IL1RAPL1: variants seen among roughly 807,000 people sequenced by gnomAD.
IL1RAPL1 encodes the protein interleukin-1 receptor accessory protein-like 1.
Under a neutral mutation model 48.4 loss-of-function variants are expected in IL1RAPL1, and 3 were observed. The ratio of observed to expected loss-of-function variants is 0.06; its 90% CI spans 0.03 to 0.16. The LOEUF is 0.16. Among genes scored for constraint, IL1RAPL1 ranks in the 10% least tolerant of loss-of-function variants. The pLI, the probability that IL1RAPL1 is intolerant of heterozygous loss-of-function variation, is 1.00. For missense variants in IL1RAPL1, 349 were observed against 530.6 expected (o/e 0.66, Z 3.36); for synonymous variants, 185 against 187.7 (o/e 0.99, Z 0.12).
At chrX:29,100,084 C>T (rs1006509350) in intron 2 of IL1RAPL1, among the ~76,000 whole-genome samples, 51 of 110,135 alleles carry the variant, frequency 4.6e-4, no homozygotes, top group Admixed American at 3.9e-3. Flanking sequence ...TGGTGGCATG[C>T]GCTTGTAATG....
At chrX:29,342,982 G>A (rs1156653030) in intron 3 of IL1RAPL1, among the ~76,000 whole-genome samples, 1 of 111,863 alleles carries the variant, frequency 8.9e-6, no homozygotes, top group Non-Finnish European at 1.9e-5. Context: ...GATGATGACT[G>A]AAAAGTCGTT....
At chrX:29,152,655 C>T (rs1929490197) in intron 2 of IL1RAPL1, among the ~76,000 whole-genome samples, 3 of 112,143 alleles carry the variant, frequency 2.7e-5, no homozygotes, top group Non-Finnish European at 5.6e-5. Flanking sequence ...AATGTAACAA[C>T]TTGTGATTGT....
In IL1RAPL1 at chrX:29,080,999, TCTCTC is replaced by T. The variant is rs1927812648; in HGVS notation, c.83-201938_83-201934del. ...TTCTTTCTTTCTTTCTTTCTTTCTC[TCTCTC>T]TCTCTCTCTCTCTCTCTTTCTTTTC... is the stretch of plus-strand genomic sequence containing the variant. On this transcript the variant is annotated intron_variant, in intron 2 of 10. Coordinates refer to ENST00000378993, the MANE Select transcript of IL1RAPL1 (RefSeq NM_014271.4). Among the ~76,000 whole-genome samples the T allele has an allele frequency of 8.1e-5, 5 of 61,642 alleles. 1 individual carries two copies. Among genetic ancestry groups the T allele is most frequent in the African/African-American group, 3.6e-4 (5 of 13,908 alleles). 53.5% of individuals were successfully genotyped at this position (61,642 alleles called of 115,157 possible). A position where few individuals can be genotyped will look rare whatever the true frequency, so the allele number is the denominator to read the frequency against.
At chrX:28,851,427 G>A (rs180903099) in intron 2 of IL1RAPL1, among the ~76,000 whole-genome samples, 2 of 111,099 alleles carry the variant, frequency 1.8e-5, no homozygotes, top group Non-Finnish European at 3.8e-5. Context: ...GAACTTTGGC[G>A]GTTAAGTATT....
At chrX:29,453,665 C>A (rs1181327776) in intron 5 of IL1RAPL1, among the ~76,000 whole-genome samples, 3 of 111,451 alleles carry the variant, frequency 2.7e-5, no homozygotes, top group African/African-American at 9.8e-5. Flanking sequence ...TTTATTAGAT[C>A]TAGGCCCTAC....
intron 3 of IL1RAPL1, among the ~76,000 whole-genome samples, chrX:29,296,931 G>A (rs1041296956): frequency 1.2e-4 from 13 of 111,761 alleles, no homozygotes; most frequent in Admixed American, 1.0e-3. Context: ...TGACATTTCT[G>A]ACTTTCAGGC....
intron 1 of IL1RAPL1, among the ~76,000 whole-genome samples, chrX:28,769,045 G>T (rs1377902112): frequency 9.3e-6 from 1 of 107,559 alleles, no homozygotes; most frequent in Non-Finnish European, 1.9e-5. Context: ...GTTCGAGTGT[G>T]AAGTGAAATA....
chrX:29,284,821 T>A (rs1569277125), intron 3 of IL1RAPL1, among the ~76,000 whole-genome samples: 1 of 112,309 alleles, frequency 8.9e-6, no homozygotes, highest in Non-Finnish European at 1.9e-5. Flanking sequence ...TTACTAATCC[T>A]TTTATGATTA....
At chrX:28,702,020 G>A (rs1268068423) in intron 1 of IL1RAPL1, among the ~76,000 whole-genome samples, 2 of 111,275 alleles carry the variant, frequency 1.8e-5, no homozygotes, top group African/African-American at 6.5e-5. Context: ...CCAGGCTCTC[G>A]TATCTGACAG....
chrX:29,556,433 G>A (rs897373103), intron 5 of IL1RAPL1, among the ~76,000 whole-genome samples: 38 of 111,023 alleles, frequency 3.4e-4, no homozygotes, highest in African/African-American at 1.2e-3. Context: ...TGGATTGCTC[G>A]AGGTCAGGAG....
At chrX:29,383,460 C>A (rs1273489502) in intron 3 of IL1RAPL1, among the ~76,000 whole-genome samples, 1 of 112,122 alleles carries the variant, frequency 8.9e-6, no homozygotes, top group Non-Finnish European at 1.9e-5. Context: ...TATGGTATTA[C>A]ATTCTGACAA....
chrX:29,113,330 G>A (rs892422705), intron 2 of IL1RAPL1, among the ~76,000 whole-genome samples: 4 of 111,441 alleles, frequency 3.6e-5, no homozygotes, highest in Non-Finnish European at 5.7e-5. Context: ...TCAAGTTTTC[G>A]TATATGCACT....
At chrX:29,310,135 G>GAAAAAAA (rs763228577) in intron 3 of IL1RAPL1, among the ~76,000 whole-genome samples, 6 of 41,123 alleles carry the variant, frequency 1.5e-4, no homozygotes, top group Middle Eastern at 0.018. Flanking sequence ...AAAAAGAAAG[G>GAAAAAAA]AAAAAAAAAA....
At chrX:29,246,927 A>G (rs760786381) in intron 2 of IL1RAPL1, among the ~76,000 whole-genome samples, 2 of 111,670 alleles carry the variant, frequency 1.8e-5, no homozygotes, top group African/African-American at 6.5e-5. Flanking sequence ...AGCAGTAGAC[A>G]TATACTTGAA....
At chrX:29,515,813 T>C (rs935945025) in intron 5 of IL1RAPL1, among the ~76,000 whole-genome samples, 5 of 111,011 alleles carry the variant, frequency 4.5e-5, no homozygotes, top group Admixed American at 1.9e-4. Flanking sequence ...CAGCCTCCCA[T>C]GAAGCTGGGA....
intron 2 of IL1RAPL1, among the ~76,000 whole-genome samples, chrX:28,959,343 A>G (rs1034678108): frequency 1.8e-5 from 2 of 111,431 alleles, no homozygotes; most frequent in Non-Finnish European, 3.8e-5. Context: ...CTAGTGCTGT[A>G]TTTTTAAAAT....
At chrX:29,045,056 A>G (rs916319665) in intron 2 of IL1RAPL1, among the ~76,000 whole-genome samples, 2 of 111,173 alleles carry the variant, frequency 1.8e-5, no homozygotes, top group Admixed American at 9.6e-5. Context: ...GGAGCATTCA[A>G]TGTTAGTGAT....
chrX:29,536,706 G>A (rs1921243766), intron 5 of IL1RAPL1, among the ~76,000 whole-genome samples: 1 of 109,755 alleles, frequency 9.1e-6, no homozygotes, highest in Non-Finnish European at 1.9e-5. Flanking sequence ...TTTTATTCAA[G>A]TTTCTTCAAG....
chrX:28,742,288 A>C (rs1233225802), intron 1 of IL1RAPL1, among the ~76,000 whole-genome samples: 1 of 111,584 alleles, frequency 9.0e-6, no homozygotes, highest in Non-Finnish European at 1.9e-5. Flanking sequence ...ACAAGACGGC[A>C]ACCAAAGACT....
Sources: gnomAD v4.1 joint callset for allele counts (sites outside exome capture counted in the v4.1 genomes callset) on GRCh38, gnomAD v4.1.1 for gene constraint, MANE v1.5 for transcripts, NCBI Gene and HGNC (gene_info 2026-07-23, HGNC 2026-07-21) for gene names.